Variants in ADGRL3 observed in about 807,000 individuals in gnomAD.
The protein encoded by ADGRL3 is adhesion G protein-coupled receptor L3.
ADGRL3 carries 62 observed loss-of-function variants against 153.5 expected under a neutral mutation model. That is an observed-to-expected ratio of 0.40 (90% CI 0.33 to 0.50). The LOEUF is 0.50. Among genes scored for constraint, ADGRL3 ranks in the 20% least tolerant of loss-of-function variants. The pLI, the probability that ADGRL3 is intolerant of heterozygous loss-of-function variation, is 0.47. For missense variants in ADGRL3, 1,641 were observed against 1,859.4 expected, an observed-to-expected ratio of 0.88 and a Z score of 2.16; for synonymous variants, 710 against 672.5, an observed-to-expected ratio of 1.06 and a Z score of -0.86.
chr4:61,267,868 T>G (rs1243204515), intron 1 of ADGRL3, among the ~76,000 whole-genome samples: 1 of 151,646 alleles, frequency 6.6e-6, no homozygotes, highest in African/African-American at 2.4e-5. Flanking sequence ...TAGAGTACTA[T>G]AATTATAAAA....
chr4:61,585,297 C>A (rs538728762), intron 4 of ADGRL3, among the ~76,000 whole-genome samples: 4 of 152,106 alleles, frequency 2.6e-5, no homozygotes, highest in African/African-American at 7.2e-5. Context: ...TACAGTCCTA[C>A]TTTTTCAAAA....
At chr4:61,252,832 T>A (rs1196403819) in intron 1 of ADGRL3, among the ~76,000 whole-genome samples, 1 of 152,168 alleles carries the variant, frequency 6.6e-6, no homozygotes, top group African/African-American at 2.4e-5. Context: ...CTGCTCATCA[T>A]GTCTGCTATT....
chr4:61,932,317 C>CTT (rs911463025), intron 13 of ADGRL3, among the ~76,000 whole-genome samples: 3 of 152,060 alleles, frequency 2.0e-5, no homozygotes, highest in African/African-American at 7.2e-5. Flanking sequence ...TATCTAAGAG[C>CTT]TTTTATACAT....
In ADGRL3 at chr4:61,607,099, G is replaced by T. The variant is rs188786818; in HGVS notation, c.473+19659G>T. Among the ~76,000 whole-genome samples, 4 of 152,236 alleles carry T rather than the reference G, an allele frequency of 2.6e-5. No individual in the cohort carries two copies. In the East Asian group the frequency reaches 7.7e-4, roughly 29 times the overall value. On this transcript the variant is annotated intron_variant, in intron 5 of 26. Transcript: ENST00000683033. Reference sequence around the variant, plus strand: ...TCTCCCCAAAGACTCAGAGGTTAGGGTTTTCCAAGGACAGTTTGGTGGGTG... The same window carrying T: ...TCTCCCCAAAGACTCAGAGGTTAGGTTTTTCCAAGGACAGTTTGGTGGGTG...
In ADGRL3 at chr4:61,983,505, A is replaced by G. The variant is rs1019724311; in HGVS notation, c.3138A>G (p.Ser1046=). 2.5e-6 allele frequency: 4 copies of G among 1,613,852 alleles called. No homozygotes were observed. The African/African-American group carries it at 5.3e-5, about 22-fold the overall frequency. ...MLVEVFESEH[S]RRKYFYLVGY... is the part of the protein sequence containing the mutation. ...TGGAGGTTTTTGAGAGTGAACATTC[A>G]CGTAGGAAATACTTTTATCTGGTCG... is the stretch of plus-strand genomic sequence containing the variant. Residue 1046 remains serine (S), a synonymous_variant, in exon 19 of 27, where the codon TCA becomes TCG. Transcript: ENST00000683033.
rs780053588 is a variant in ADGRL3, at chr4:61,934,922, G to A, written c.2195G>A (p.Arg732His). Residue 732 changes from arginine (R) to histidine (H), a missense_variant, in exon 14 of 27, where the codon CGT (arginine) becomes CAT (histidine). This residue lies in a region of ADGRL3 where 734 missense variants were observed against 797.0 expected (regional missense o/e 0.92). Coordinates refer to ENST00000683033, the MANE Select transcript of ADGRL3 (RefSeq NM_001387552.1). ...GACCTGACTACGAGTGATCAGCTGC[G>A]TGCGGCCACCATGTTGCTTCATACT... ...WRDLTTSDQL[R>H]AATMLLHTVE... 6.2e-6 allele frequency: 10 copies of A among 1,613,668 alleles called. No homozygotes were observed. Among genetic ancestry groups the A allele is most frequent in the Middle Eastern group, 1.6e-4 (1 of 6,084 alleles).
chr4:61,401,460 G>A (rs1017132702), intron 2 of ADGRL3, among the ~76,000 whole-genome samples: 2 of 151,818 alleles, frequency 1.3e-5, no homozygotes, highest in Non-Finnish European at 2.9e-5. Context: ...AAACAAATAC[G>A]TTTCACACAA....
intron 5 of ADGRL3, among the ~76,000 whole-genome samples, chr4:61,657,618 T>TG (rs1444682829): frequency 2.6e-5 from 4 of 152,148 alleles, no homozygotes; most frequent in Non-Finnish European, 5.9e-5. Context: ...CTTAACCAAC[T>TG]ACAGTTACCT....
At chr4:61,300,733 G>A (rs544614404) in intron 1 of ADGRL3, among the ~76,000 whole-genome samples, 27 of 151,118 alleles carry the variant, frequency 1.8e-4, no homozygotes, top group South Asian at 8.4e-4. Context: ...TGTCCCTAAT[G>A]CTTAAGAATG....
rs139771400 is a variant in ADGRL3, at chr4:61,317,501, A to C, written c.-239-65623A>C. On this transcript the variant is annotated intron_variant, in intron 1 of 26. Coordinates refer to ENST00000683033, the MANE Select transcript of ADGRL3 (RefSeq NM_001387552.1). The stretch of plus-strand genomic sequence containing the variant: ...TTAAGGGTTTTACAGGAGAGCTGGA[A>C]ATGGAATTTTCTACATCAAAAGCTG... 1.7e-3 allele frequency among the ~76,000 whole-genome samples: 262 copies of C among 152,270 alleles called. 2 individuals carry two copies. Among genetic ancestry groups the C allele is most frequent in the African/African-American group, 6.0e-3 (249 of 41,562 alleles).
intron 4 of ADGRL3, among the ~76,000 whole-genome samples, chr4:61,527,177 T>G (rs2098569738): frequency 6.6e-6 from 1 of 152,038 alleles, no homozygotes; most frequent in Non-Finnish European, 1.5e-5. Context: ...TATTGAAAAC[T>G]TCTTATAAAT....
At chr4:61,275,315 T>C (rs2093407251) in intron 1 of ADGRL3, among the ~76,000 whole-genome samples, 1 of 152,160 alleles carries the variant, frequency 6.6e-6, no homozygotes, top group Non-Finnish European at 1.5e-5. Flanking sequence ...CCTGAAACAG[T>C]GCTTTTTAAA....
At position 61,200,798 on chromosome 4, in the gene ADGRL3, G is replaced by A. The variant is rs1302155649; in HGVS notation, c.-1207G>A. On this transcript the variant is annotated 5_prime_UTR_variant, in exon 1 of 27. Coordinates refer to ENST00000683033, the MANE Select transcript of ADGRL3 (RefSeq NM_001387552.1). ...AGAAAGAACCGAAGAGACAGCGGCG[G>A]CGGCGCAGAGCCCGGGGCCGCGCGA... 3.3e-5 allele frequency among the ~76,000 whole-genome samples: 5 copies of A among 152,098 alleles called. No individual in the cohort carries two copies. The highest frequency in any genetic ancestry group is 5.9e-5 in the Non-Finnish European group (4 of 68,004).
chr4:61,893,046 C>A, intron 10 of ADGRL3, 88 bp downstream of exon 10: 1 of 657,418 alleles, frequency 1.5e-6, no homozygotes, highest in Non-Finnish European at 2.2e-6. Context: ...TTCCTCCTTT[C>A]CTCCCTCCCT....
chr4:61,945,991 AATTT>A (rs1364246072), intron 15 of ADGRL3, among the ~76,000 whole-genome samples: 2 of 152,100 alleles, frequency 1.3e-5, no homozygotes, highest in Non-Finnish European at 2.9e-5. Flanking sequence ...AATGTGCCAT[AATTT>A]ATTTATTCTC....
chr4:61,662,660 G>T (rs528697078), intron 5 of ADGRL3, among the ~76,000 whole-genome samples: 1 of 152,344 alleles, frequency 6.6e-6, no homozygotes, highest in African/African-American at 2.4e-5. Context: ...CAGACTTCTG[G>T]GTGGAAAGGG....
At chr4:61,569,079 T>G (rs201364258) in intron 4 of ADGRL3, among the ~76,000 whole-genome samples, 1 of 151,962 alleles carries the variant, frequency 6.6e-6, no homozygotes, top group Non-Finnish European at 1.5e-5. Flanking sequence ...GTGGCAGGGG[T>G]GGGAGTGGGG....
At chr4:61,931,248 A>G (rs1312477215) in intron 13 of ADGRL3, among the ~76,000 whole-genome samples, 1 of 152,166 alleles carries the variant, frequency 6.6e-6, no homozygotes, top group African/African-American at 2.4e-5. Context: ...TAGTTGTGTA[A>G]GAGACCAAAT....
intron 2 of ADGRL3, among the ~76,000 whole-genome samples, chr4:61,390,091 A>T (rs1399104384): frequency 6.6e-6 from 1 of 152,198 alleles, no homozygotes. Flanking sequence ...TTTTCTCACT[A>T]AATCTGTTAA....
Sources: gnomAD v4.1 joint callset for allele counts (sites outside exome capture counted in the v4.1 genomes callset) on GRCh38, gnomAD v4.1.1 for gene constraint, gnomAD v4.1.1 regional missense constraint, MANE v1.5 for transcripts, NCBI Gene and HGNC (gene_info 2026-07-23, HGNC 2026-07-21) for gene names.